CMIP: variants seen among roughly 807,000 people sequenced by gnomAD.
CMIP encodes the protein C-Maf-inducing protein.
A neutral mutation model predicts 97.3 loss-of-function variants in CMIP; 13 were observed. That is an observed-to-expected ratio of 0.13 (90% CI 0.09 to 0.21). The LOEUF (loss-of-function observed/expected upper bound fraction) is 0.21. CMIP is among the 10% of genes least tolerant of loss of function. The probability of loss-of-function intolerance (pLI) is 1.00; values close to 1 mark genes in which losing one functional copy is unlikely to be tolerated. For missense variants in CMIP, 847 were observed against 1,024.9 expected, an observed-to-expected ratio of 0.83 and a Z score of 2.37; for synonymous variants, 538 against 436.3, an observed-to-expected ratio of 1.23 and a Z score of -2.91.
intron 1 of CMIP, among the ~76,000 whole-genome samples, chr16:81,490,757 G>C (rs1287289919): frequency 1.3e-5 from 2 of 152,176 alleles, no homozygotes; most frequent in Non-Finnish European, 2.9e-5. Flanking sequence ...AAACTTTAAG[G>C]AGGGTGAAGG....
chr16:81,611,599 TTC>T (rs1044969020), intron 2 of CMIP, among the ~76,000 whole-genome samples: 1 of 152,024 alleles, frequency 6.6e-6, no homozygotes, highest in Non-Finnish European at 1.5e-5. Flanking sequence ...CCTCTCCTCT[TTC>T]TCTCTCTTTA....
intron 1 of CMIP, among the ~76,000 whole-genome samples, chr16:81,602,808 A>G (rs1199512893): frequency 1.3e-5 from 2 of 152,140 alleles, no homozygotes; most frequent in African/African-American, 4.8e-5. Context: ...TTCTTATCCA[A>G]TTCAGCCTCC....
chr16:81,470,318 G>A (rs971086698), intron 1 of CMIP, among the ~76,000 whole-genome samples: 1 of 152,204 alleles, frequency 6.6e-6, no homozygotes, highest in Admixed American at 6.5e-5. Flanking sequence ...GGCAGCTTGG[G>A]TCCAGAGCCT....
chr16:81,683,578 C>T (rs1045512140), intron 10 of CMIP, among the ~76,000 whole-genome samples: 51 of 151,438 alleles, frequency 3.4e-4, no homozygotes, highest in African/African-American at 1.0e-3. Context: ...TTAGTAGAGA[C>T]GGGTTTTTGC....
At chr16:81,513,710 C>T (rs1465298854) in intron 1 of CMIP, among the ~76,000 whole-genome samples, 1 of 152,242 alleles carries the variant, frequency 6.6e-6, no homozygotes, top group Non-Finnish European at 1.5e-5. Flanking sequence ...GAGCTGCCTC[C>T]TGTTTCCAGG....
rs890630365 is a variant in CMIP, at chr16:81,510,121, G to A, written c.300+64580G>A. The stretch of plus-strand genomic sequence containing the variant: ...CTTTGGCTGTGACTTTGTCTCTTGG[G>A]CCTCTATCAAGGTATTGACGACAGT... On this transcript the variant is annotated intron_variant, in intron 1 of 20. Transcript: ENST00000537098. Among the ~76,000 whole-genome samples the A allele has an allele frequency of 3.3e-5, 5 of 152,208 alleles. No individual in the cohort carries two copies. In the East Asian group the frequency reaches 9.6e-4, roughly 29 times the overall value.
chr16:81,709,888 A>T lies in CMIP; in HGVS notation c.*89A>T. On this transcript the variant is annotated 3_prime_UTR_variant, in exon 21 of 21. Transcript: ENST00000537098. The stretch of plus-strand genomic sequence containing the variant: ...GCAGAGCAGCCGGTCCTGGGGTCCC[A>T]CCCTGGTGCCCTGGCTGTGAGATAG... 1.0e-6 allele frequency: 1 copy of T among 983,568 alleles called. No individual in the cohort carries two copies. The highest frequency in any genetic ancestry group is 1.3e-6 in the Non-Finnish European group (1 of 762,562). 60.9% of individuals were successfully genotyped at this position (983,568 alleles called of 1,614,324 possible).
chr16:81,463,611 G>A (rs1429622589), intron 1 of CMIP, among the ~76,000 whole-genome samples: 1 of 152,212 alleles, frequency 6.6e-6, no homozygotes, highest in Non-Finnish European at 1.5e-5. Flanking sequence ...GCCAGGGCTG[G>A]ACCGGGTGAA....
At chr16:81,499,735 C>T (rs1035425939) in intron 1 of CMIP, among the ~76,000 whole-genome samples, 1 of 152,240 alleles carries the variant, frequency 6.6e-6, no homozygotes. Flanking sequence ...CTTCCCCGTC[C>T]AGTCCTTTAC....
intron 1 of CMIP, among the ~76,000 whole-genome samples, chr16:81,584,113 G>T (rs955058500): frequency 1.2e-4 from 18 of 152,146 alleles, no homozygotes; most frequent in Non-Finnish European, 2.2e-4. Flanking sequence ...AGTGGAGTTG[G>T]AGTGTGGCCG....
intron 1 of CMIP, among the ~76,000 whole-genome samples, chr16:81,593,639 C>G (rs185190299): frequency 6.6e-6 from 1 of 152,282 alleles, no homozygotes; most frequent in African/African-American, 2.4e-5. Flanking sequence ...TAATCGCCTC[C>G]GTGTATTGAG....
intron 1 of CMIP, among the ~76,000 whole-genome samples, chr16:81,489,597 C>G (rs1272614540): frequency 6.6e-6 from 1 of 152,198 alleles, no homozygotes; most frequent in Non-Finnish European, 1.5e-5. Flanking sequence ...CACCCTGTCA[C>G]CAAACAGACC....
At chr16:81,590,031 A>C (rs2091443389) in intron 1 of CMIP, among the ~76,000 whole-genome samples, 1 of 150,976 alleles carries the variant, frequency 6.6e-6, no homozygotes, top group Non-Finnish European at 1.5e-5. Context: ...CCAGGGATTG[A>C]CTGCAGGGGC....
intron 3 of CMIP, among the ~76,000 whole-genome samples, chr16:81,626,412 CTATG>C (rs1567618154): frequency 6.8e-6 from 1 of 146,554 alleles, no homozygotes; most frequent in African/African-American, 2.5e-5. Context: ...TGTGGGGTGA[CTATG>C]AGTGTGTGTG....
chr16:81,530,876 C>G (rs1254437846), intron 1 of CMIP, among the ~76,000 whole-genome samples: 1 of 152,162 alleles, frequency 6.6e-6, no homozygotes, highest in Non-Finnish European at 1.5e-5. Flanking sequence ...CTCTACCGTC[C>G]CAGGGAGAAT....
chr16:81,610,782 T>G (rs926124999), intron 2 of CMIP, among the ~76,000 whole-genome samples: 5 of 152,162 alleles, frequency 3.3e-5, no homozygotes, highest in Non-Finnish European at 5.9e-5. Flanking sequence ...TACTCAGGGC[T>G]TTCTTCAGTC....
intron 2 of CMIP, among the ~76,000 whole-genome samples, chr16:81,611,919 C>T (rs2091838302): frequency 1.3e-5 from 2 of 152,234 alleles, no homozygotes. Flanking sequence ...AGTTGGCAGA[C>T]AGAGGCGCCC....
rs753722897 is a variant in CMIP, at chr16:81,691,759, C to T, written c.1389-16C>T. 3 of 1,612,290 alleles carry T rather than the reference C, an allele frequency of 1.9e-6. No homozygotes were observed. Among genetic ancestry groups the T allele is most frequent in the Non-Finnish European group, 2.5e-6 (3 of 1,178,538 alleles). On this transcript the variant is annotated splice_polypyrimidine_tract_variant and intron_variant, in intron 10 of 20. Transcript: ENST00000537098. ...TTGTCCCAACCAAAGCTGACTGTCA[C>T]CCTCTCTCATTCTAGGTCAGACTAT...
intron 1 of CMIP, among the ~76,000 whole-genome samples, chr16:81,580,727 C>T (rs1452614118): frequency 1.3e-5 from 2 of 151,940 alleles, no homozygotes; most frequent in Non-Finnish European, 2.9e-5. Flanking sequence ...TGAGCCACTG[C>T]TCCTGGTTGC....
Sources: allele counts gnomAD v4.1 joint callset (sites outside exome capture counted in the v4.1 genomes callset), GRCh38; gene constraint gnomAD v4.1.1; transcripts MANE v1.5; gene names NCBI Gene and HGNC (gene_info 2026-07-23, HGNC 2026-07-21).